Variants in MAGI2 observed in about 807,000 individuals in gnomAD.
The protein encoded by MAGI2 is membrane-associated guanylate kinase, WW and PDZ domain-containing protein 2.
In MAGI2, 35 loss-of-function variants were observed where a neutral mutation model predicts 133.3. That is an observed-to-expected ratio of 0.26 (90% CI 0.20 to 0.35). The LOEUF (loss-of-function observed/expected upper bound fraction) is 0.35. Among genes scored for constraint, MAGI2 ranks in the 10% least tolerant of loss-of-function variants. The pLI is 1.00. For synonymous variants in MAGI2, 729 were observed against 710.6 expected (o/e 1.03, Z -0.41); for missense variants, 1,636 against 1,863.4 (o/e 0.88, Z 2.25).
chr7:79,257,554 G>A (rs1196055401), intron 1 of MAGI2, among the ~76,000 whole-genome samples: 3 of 152,120 alleles, frequency 2.0e-5, no homozygotes, highest in South Asian at 2.1e-4. Flanking sequence ...AGTGTTCTGC[G>A]TTGGAGAAAA....
chr7:78,699,859 C>G (rs1817887941), intron 2 of MAGI2, among the ~76,000 whole-genome samples: 1 of 151,962 alleles, frequency 6.6e-6, no homozygotes, highest in African/African-American at 2.4e-5. Context: ...TAAAAAATAT[C>G]CATATAACTT....
intron 3 of MAGI2, among the ~76,000 whole-genome samples, chr7:78,551,290 ACT>A (rs1490218250): frequency 3.3e-5 from 5 of 152,044 alleles, no homozygotes; most frequent in Non-Finnish European, 4.4e-5. Flanking sequence ...AATTGGGAAC[ACT>A]CTCAAATTTT....
chr7:78,449,454 C>T (rs1236913313), intron 6 of MAGI2, among the ~76,000 whole-genome samples: 1 of 151,960 alleles, frequency 6.6e-6, no homozygotes, highest in African/African-American at 2.4e-5. Flanking sequence ...ACAGAAAGGG[C>T]AAACAACAAT....
chr7:79,170,588 T>C (rs1429685114), intron 1 of MAGI2, among the ~76,000 whole-genome samples: 1 of 152,144 alleles, frequency 6.6e-6, no homozygotes, highest in African/African-American at 2.4e-5. Flanking sequence ...TACAACATAC[T>C]GTTTTCTAAG....
intron 7 of MAGI2, among the ~76,000 whole-genome samples, chr7:78,348,160 T>C (rs1466619507): frequency 2.6e-5 from 4 of 152,188 alleles, no homozygotes; most frequent in African/African-American, 9.7e-5. Context: ...TGACCCTCTA[T>C]CAGACCTCTT....
intron 2 of MAGI2, among the ~76,000 whole-genome samples, chr7:78,779,539 T>C (rs971821790): frequency 4.6e-5 from 7 of 152,200 alleles, no homozygotes; most frequent in African/African-American, 1.4e-4. Flanking sequence ...CAGAAGTTGG[T>C]ACCACAGAAT....
intron 14 of MAGI2, among the ~76,000 whole-genome samples, chr7:78,177,186 G>T (rs1826721588): frequency 6.6e-6 from 1 of 152,084 alleles, no homozygotes. Context: ...CTAGGATGGA[G>T]TTCAGGTGCC....
At chr7:78,753,480 T>A (rs1823646190) in intron 2 of MAGI2, among the ~76,000 whole-genome samples, 1 of 152,036 alleles carries the variant, frequency 6.6e-6, no homozygotes, top group Non-Finnish European at 1.5e-5. Flanking sequence ...ATTAAAGATA[T>A]GACATATGGA....
intron 2 of MAGI2, among the ~76,000 whole-genome samples, chr7:78,791,134 C>CCG (rs1312628236): frequency 7.9e-5 from 12 of 152,270 alleles, no homozygotes; most frequent in African/African-American, 2.9e-4. Context: ...GTAAAGGCCT[C>CCG]TGGAGAGGAG....
chr7:78,896,803 T>C (rs1022737298), intron 2 of MAGI2, among the ~76,000 whole-genome samples: 12 of 152,058 alleles, frequency 7.9e-5, no homozygotes, highest in African/African-American at 2.9e-4. Flanking sequence ...CTAATTGGCT[T>C]TTACCAGTTA....
At chr7:78,286,229 C>A (rs1408149106) in intron 9 of MAGI2, among the ~76,000 whole-genome samples, 2 of 152,050 alleles carry the variant, frequency 1.3e-5, no homozygotes, top group East Asian at 3.9e-4. Flanking sequence ...TCTATTCCTC[C>A]TCCCTACCCC....
chr7:78,127,346 T>A lies in MAGI2; in HGVS notation c.3274A>T (p.Arg1092Trp). ...TGCCTGTAATCCAGCGGGGGCTGCC[T>A]GTAGTCTGTGAATGGAGGCTGTCGG... The part of the protein sequence containing the change: ...DIRQPPFTDY[R>W]QPPLDYRQPP... Residue 1092 changes from arginine (R) to tryptophan (W), a missense_variant, in exon 19 of 22, where the codon AGG (arginine) becomes TGG (tryptophan). Arg to Trp is a moderately radical substitution (Grantham distance 101). Coordinates refer to ENST00000354212, the MANE Select transcript of MAGI2 (RefSeq NM_012301.4). 6.2e-7 allele frequency: 1 copy of A among 1,610,562 alleles called. No individual in the cohort carries two copies. The highest frequency in any genetic ancestry group is 8.5e-7 in the Non-Finnish European group (1 of 1,179,964).
intron 2 of MAGI2, chr7:78,940,703 A>G (rs954205045): frequency 1.3e-5 from 2 of 152,194 alleles, no homozygotes; most frequent in Non-Finnish European, 2.9e-5. Flanking sequence ...GGCTAAATTA[A>G]AGCAAGACTG....
chr7:78,868,223 T>C (rs1458083545), intron 2 of MAGI2, among the ~76,000 whole-genome samples: 2 of 152,182 alleles, frequency 1.3e-5, no homozygotes, highest in African/African-American at 2.4e-5. Flanking sequence ...ACCTTAACAA[T>C]AGTCAAAAAC....
At chr7:79,015,670 G>C (rs184105768) in intron 1 of MAGI2, among the ~76,000 whole-genome samples, 1 of 152,066 alleles carries the variant, frequency 6.6e-6, no homozygotes, top group African/African-American at 2.4e-5. Flanking sequence ...TGTCCCAAAG[G>C]TTTATTTTGG....
At chr7:79,115,669 G>A (rs1032350255) in intron 1 of MAGI2, among the ~76,000 whole-genome samples, 3 of 151,844 alleles carry the variant, frequency 2.0e-5, no homozygotes, top group African/African-American at 7.3e-5. Flanking sequence ...TCTGTTCTGA[G>A]CTCTTTAGCT....
At chr7:78,659,183 G>A (rs1812637958) in intron 2 of MAGI2, among the ~76,000 whole-genome samples, 1 of 151,970 alleles carries the variant, frequency 6.6e-6, no homozygotes, top group African/African-American at 2.4e-5. Context: ...CGGGCGCGGT[G>A]ACTCACGCCT....
chr7:78,939,405 T>C (rs915731115), intron 2 of MAGI2, among the ~76,000 whole-genome samples: 1 of 152,154 alleles, frequency 6.6e-6, no homozygotes, highest in African/African-American at 2.4e-5. Context: ...CGGGGCTGAA[T>C]GGACATTCTA....
At chr7:78,947,859 CTT>C (rs1195769466) in intron 2 of MAGI2, among the ~76,000 whole-genome samples, 1 of 152,042 alleles carries the variant, frequency 6.6e-6, no homozygotes, top group East Asian at 1.9e-4. Context: ...CTCTAAATGA[CTT>C]TTGGCCATTT....
Sources: allele counts gnomAD v4.1 joint callset (sites outside exome capture counted in the v4.1 genomes callset), GRCh38; gene constraint gnomAD v4.1.1; transcripts MANE v1.5; gene names NCBI Gene and HGNC (gene_info 2026-07-23, HGNC 2026-07-21).